Variants in UGGT2 observed in about 807,000 individuals in gnomAD.
The protein encoded by UGGT2 is UDP-glucose glycoprotein glucosyltransferase 2, also known as UDP-glucose:glycoprotein glucosyltransferase 2.
In UGGT2, 180 loss-of-function variants were observed where a neutral mutation model predicts 192.1. That is an observed-to-expected ratio of 0.94 (90% confidence interval 0.83 to 1.06). The LOEUF (loss-of-function observed/expected upper bound fraction) is 1.06. Ranked by LOEUF, UGGT2 falls within the 50% of genes least tolerant of loss-of-function variation. UGGT2 has a pLI of 0.00. For synonymous variants in UGGT2, 580 were observed against 591.0 expected (o/e 0.98, Z 0.27); for missense variants, 1,849 against 1,795.7 (o/e 1.03, Z -0.54).
chr13:96,030,043 G>A (rs2052786032), intron 2 of UGGT2, among the ~76,000 whole-genome samples: 1 of 152,152 alleles, frequency 6.6e-6, no homozygotes, highest in African/African-American at 2.4e-5. Flanking sequence ...GGACAAATAT[G>A]AGGACAACAG....
At chr13:96,031,605 C>T (rs1444657741) in intron 2 of UGGT2, among the ~76,000 whole-genome samples, 1 of 152,206 alleles carries the variant, frequency 6.6e-6, no homozygotes, top group Non-Finnish European at 1.5e-5. Context: ...TACAGATGCA[C>T]ACCACCATGC....
chr13:95,807,344 T>C (rs1315335106), intron 38 of UGGT2, among the ~76,000 whole-genome samples: 1 of 151,934 alleles, frequency 6.6e-6, no homozygotes, highest in Non-Finnish European at 1.5e-5. Flanking sequence ...GTGGAGGAGG[T>C]AGAAGGGGAG....
At chr13:96,039,167 A>G (rs1055664205) in intron 1 of UGGT2, among the ~76,000 whole-genome samples, 1 of 152,064 alleles carries the variant, frequency 6.6e-6, no homozygotes, top group African/African-American at 2.4e-5. Flanking sequence ...GCTGCCTGCC[A>G]TGGTTCTGCT....
intron 12 of UGGT2, among the ~76,000 whole-genome samples, chr13:95,967,254 C>A (rs1402491683): frequency 6.6e-6 from 1 of 151,184 alleles, no homozygotes; most frequent in African/African-American, 2.4e-5. Context: ...CAAGGTCCAA[C>A]GTATTCTCCT....
At chr13:96,017,210 G>T (rs2052366130) in intron 4 of UGGT2, among the ~76,000 whole-genome samples, 1 of 152,186 alleles carries the variant, frequency 6.6e-6, no homozygotes, top group South Asian at 2.1e-4. Context: ...TGGACTTGAT[G>T]TTGGAACGAG....
intron 22 of UGGT2, among the ~76,000 whole-genome samples, chr13:95,898,746 G>C (rs914236417): frequency 6.6e-6 from 1 of 152,102 alleles, no homozygotes; most frequent in Non-Finnish European, 1.5e-5. Context: ...TAGGAACATA[G>C]CACTCATCCC....
chr13:96,048,366 T>TC, intron 1 of UGGT2, among the ~76,000 whole-genome samples: 1 of 152,024 alleles, frequency 6.6e-6, no homozygotes, highest in East Asian at 1.9e-4. Flanking sequence ...GCACTAAATG[T>TC]CCACAAGAGA....
intron 20 of UGGT2, among the ~76,000 whole-genome samples, chr13:95,925,103 A>T (rs907360549): frequency 3.3e-5 from 5 of 152,174 alleles, no homozygotes; most frequent in African/African-American, 1.2e-4. Context: ...TTTCTTAAGT[A>T]TTTTTTATCT....
At chr13:96,002,976 G>T (rs2051855233) in intron 5 of UGGT2, among the ~76,000 whole-genome samples, 1 of 152,158 alleles carries the variant, frequency 6.6e-6, no homozygotes, top group South Asian at 2.1e-4. Context: ...TTGCTCCTAG[G>T]TATAAAACCC....
chr13:95,834,383 G>C (rs1887059686), intron 37 of UGGT2, among the ~76,000 whole-genome samples: 1 of 152,030 alleles, frequency 6.6e-6, no homozygotes, highest in African/African-American at 2.4e-5. Context: ...AGTGGACAGA[G>C]GCCAGAAATG....
intron 38 of UGGT2, among the ~76,000 whole-genome samples, chr13:95,815,053 T>C (rs1240290109): frequency 6.6e-6 from 1 of 152,096 alleles, no homozygotes; most frequent in East Asian, 1.9e-4. Flanking sequence ...CCCAGTAAAC[T>C]AGGAATAAAA....
intron 29 of UGGT2, among the ~76,000 whole-genome samples, chr13:95,872,458 A>G (rs897758793): frequency 3.5e-4 from 53 of 152,356 alleles, no homozygotes; most frequent in African/African-American, 1.2e-3. Context: ...TTTCCTAATT[A>G]TAAAGGTAAT....
rs192398946 is a variant in UGGT2, at chr13:95,893,031, G to A, written c.2855+1531C>T. ...TCAAATCCACAGAGTCTAAATGGAA[G>A]GGAATAGGCTAATATAGAGATCTTT... On this transcript the variant is annotated intron_variant, in intron 24 of 38. Coordinates refer to ENST00000376747, the MANE Select transcript of UGGT2 (RefSeq NM_020121.4). Among the ~76,000 whole-genome samples the A allele has an allele frequency of 3.0e-3, 459 of 152,218 alleles. 2 individuals carry two copies. Among genetic ancestry groups the A allele is most frequent in the African/African-American group, 0.011 (439 of 41,552 alleles).
intron 1 of UGGT2, among the ~76,000 whole-genome samples, chr13:96,042,335 AC>A (rs2053188728): frequency 6.6e-6 from 1 of 152,162 alleles, no homozygotes; most frequent in African/African-American, 2.4e-5. Flanking sequence ...CATCAAGGGA[AC>A]ACCTCTATGG....
chr13:95,857,999 G>GTTTTTTTTTTT (rs71113957), intron 33 of UGGT2, among the ~76,000 whole-genome samples: 2 of 139,740 alleles, frequency 1.4e-5, no homozygotes, highest in Non-Finnish European at 1.6e-5. Flanking sequence ...TTCTTTTTCT[G>GTTTTTTTTTTT]TTTTTTTTTT....
chr13:95,906,092 GCA>G (rs925870713), intron 20 of UGGT2, among the ~76,000 whole-genome samples: 23 of 152,072 alleles, frequency 1.5e-4, no homozygotes, highest in Admixed American at 1.2e-3. Flanking sequence ...ATCCAGTAAA[GCA>G]ATTATCACTT....
At chr13:95,821,770 T>G (rs1178049191) in intron 38 of UGGT2, among the ~76,000 whole-genome samples, 1 of 152,208 alleles carries the variant, frequency 6.6e-6, no homozygotes, top group Non-Finnish European at 1.5e-5. Flanking sequence ...GGTTTCATTC[T>G]TCTATATGTG....
chr13:96,010,814 A>C (rs1463646275), intron 5 of UGGT2, among the ~76,000 whole-genome samples: 1 of 152,224 alleles, frequency 6.6e-6, no homozygotes, highest in African/African-American at 2.4e-5. Context: ...AGATTAGCTA[A>C]AACAATTCTG....
At chr13:95,810,631 A>C (rs1884534319) in intron 38 of UGGT2, among the ~76,000 whole-genome samples, 1 of 152,068 alleles carries the variant, frequency 6.6e-6, no homozygotes, top group Non-Finnish European at 1.5e-5. Flanking sequence ...ATATCCAAAA[A>C]TTTTTCCAAT....
Sources: gnomAD v4.1 joint callset for allele counts (sites outside exome capture counted in the v4.1 genomes callset) on GRCh38, gnomAD v4.1.1 for gene constraint, MANE v1.5 for transcripts, NCBI Gene and HGNC (gene_info 2026-07-23, HGNC 2026-07-21) for gene names.